IL7: variants seen among roughly 807,000 people sequenced by gnomAD.
IL7 encodes the protein interleukin 7, also known as interleukin-7.
A neutral mutation model predicts 21.6 loss-of-function variants in IL7; 3 were observed. That is an observed-to-expected ratio of 0.14 (90% CI 0.06 to 0.36). The LOEUF (loss-of-function observed/expected upper bound fraction) is 0.36. Ranked by LOEUF, IL7 falls within the 10% of genes least tolerant of loss-of-function variation. IL7 has a pLI of 1.00. For missense variants in IL7, 175 were observed against 200.2 expected, an observed-to-expected ratio of 0.87 and a Z score of 0.76; for synonymous variants, 62 against 68.1, an observed-to-expected ratio of 0.91 and a Z score of 0.44.
downstream of IL7, chr8:78,715,455 C>A: frequency 1.2e-6 from 1 of 836,914 alleles, no homozygotes; most frequent in Non-Finnish European, 1.8e-6. Context: ...TTTAATCTGG[C>A]TTTTAAGTTG....
intron 4 of IL7, among the ~76,000 whole-genome samples, chr8:78,682,666 C>G (rs1005268542): frequency 2.0e-5 from 3 of 152,138 alleles, no homozygotes; most frequent in African/African-American, 7.2e-5. Flanking sequence ...CATTCTGTCC[C>G]TGGCCACTCC....
At chr8:78,751,295 C>T in intron 2 of IL7, among the ~76,000 whole-genome samples, 1 of 152,124 alleles carries the variant, frequency 6.6e-6, no homozygotes, top group East Asian at 1.9e-4. Context: ...ATAAGAATTA[C>T]ATCCAAATTC....
chr8:78,710,722 T>C (rs1224959268), intron 3 of IL7, among the ~76,000 whole-genome samples: 1 of 152,080 alleles, frequency 6.6e-6, no homozygotes, highest in East Asian at 1.9e-4. Context: ...TGGGTTTCTT[T>C]GTACTTTAAC....
chr8:78,791,352 T>C (rs1267246308), intron 2 of IL7, among the ~76,000 whole-genome samples: 2 of 152,092 alleles, frequency 1.3e-5, no homozygotes, highest in African/African-American at 4.8e-5. Flanking sequence ...TACAGAGTTA[T>C]ACTTAGGCCA....
intron 2 of IL7, among the ~76,000 whole-genome samples, chr8:78,749,250 T>C (rs1276985912): frequency 6.6e-6 from 1 of 152,146 alleles, no homozygotes; most frequent in African/African-American, 2.4e-5. Context: ...CACTAAGTTA[T>C]ACTTAGCATT....
intron 1 of IL7, among the ~76,000 whole-genome samples, chr8:78,802,430 CTCTCTTTTTTTTTTTT>C (rs1261281692): frequency 6.7e-6 from 1 of 150,192 alleles, no homozygotes; most frequent in East Asian, 1.9e-4. Flanking sequence ...GTATTTTTCT[CTCTCTTTTTTTTTTTT>C]TTGATATGGA....
intron 2 of IL7, among the ~76,000 whole-genome samples, chr8:78,757,047 C>A (rs1255369767): frequency 1.3e-5 from 2 of 151,768 alleles, no homozygotes; most frequent in Non-Finnish European, 2.9e-5. Flanking sequence ...CCTCTTAGCA[C>A]TACTTTTACT....
chr8:78,712,402 G>A (rs62518986), intron 3 of IL7, among the ~76,000 whole-genome samples: 7,763 of 151,992 alleles, frequency 0.051, 277 homozygotes, highest in Middle Eastern at 0.082. Context: ...TTTTTTAGTA[G>A]TAATTAGGGT....
chr8:78,741,370 T>C (rs1811773031), intron 2 of IL7, among the ~76,000 whole-genome samples: 1 of 152,200 alleles, frequency 6.6e-6, no homozygotes, highest in Non-Finnish European at 1.5e-5. Context: ...CATGTTGACT[T>C]CCCCATACCC....
At chr8:78,703,310 C>A (rs1810666572) in intron 3 of IL7, among the ~76,000 whole-genome samples, 1 of 152,156 alleles carries the variant, frequency 6.6e-6, no homozygotes, top group African/African-American at 2.4e-5. Flanking sequence ...GTGCTGAGTT[C>A]AGGTCCTAAA....
At chr8:78,750,145 C>G (rs1812117655) in intron 2 of IL7, among the ~76,000 whole-genome samples, 1 of 152,050 alleles carries the variant, frequency 6.6e-6, no homozygotes, top group Admixed American at 6.6e-5. Flanking sequence ...TTATCAGAGT[C>G]TGATCTGCCT....
At chr8:78,797,420 G>A (rs180881605) in intron 2 of IL7, among the ~76,000 whole-genome samples, 1 of 152,016 alleles carries the variant, frequency 6.6e-6, no homozygotes. Flanking sequence ...TATCAATGCT[G>A]GCTCATCAAT....
At chr8:78,787,533 A>G (rs1319965030) in intron 2 of IL7, among the ~76,000 whole-genome samples, 2 of 152,260 alleles carry the variant, frequency 1.3e-5, no homozygotes, top group Admixed American at 6.5e-5. Flanking sequence ...CTTCCCTGTT[A>G]TTAACACTGT....
intron 3 of IL7, among the ~76,000 whole-genome samples, chr8:78,708,672 C>CTTTTTTTTTCTTT (rs1563638249): frequency 2.8e-5 from 4 of 142,574 alleles, no homozygotes; most frequent in African/African-American, 2.6e-5. Context: ...AGATGATTAT[C>CTTTTTTTTTCTTT]TTTTTTTTTT....
At chr8:78,724,085 G>A (rs1449112129) in intron 3 of IL7, 1 of 154,616 alleles carries the variant, frequency 6.5e-6, no homozygotes, top group Non-Finnish European at 1.5e-5. Context: ...AGGAAGAAAA[G>A]GGAAGTTCTG....
chr8:78,687,956 C>A (rs548923322), intron 3 of IL7, among the ~76,000 whole-genome samples: 2 of 140,778 alleles, frequency 1.4e-5, no homozygotes, highest in East Asian at 4.0e-4. Flanking sequence ...TAAACTATAT[C>A]TATATTTATA....
chr8:78,722,841 T>C (rs1811265987), intron 3 of IL7, among the ~76,000 whole-genome samples: 1 of 151,834 alleles, frequency 6.6e-6, no homozygotes, highest in Non-Finnish European at 1.5e-5. Flanking sequence ...AATCACATCA[T>C]TTAAGTTTGA....
intron 4 of IL7, among the ~76,000 whole-genome samples, chr8:78,682,111 A>G (rs1219192490): frequency 6.6e-6 from 1 of 152,106 alleles, no homozygotes; most frequent in East Asian, 1.9e-4. Context: ...AAATATAGAC[A>G]TAGTAGGAAT....
intron 2 of IL7, among the ~76,000 whole-genome samples, chr8:78,796,953 G>T (rs1163280122): frequency 6.6e-6 from 1 of 151,956 alleles, no homozygotes; most frequent in Non-Finnish European, 1.5e-5. Context: ...GCACGTATAT[G>T]TTTATAGAAG....
Sources: gnomAD v4.1 joint callset for allele counts (sites outside exome capture counted in the v4.1 genomes callset) on GRCh38, gnomAD v4.1.1 for gene constraint, MANE v1.5 for transcripts, NCBI Gene and HGNC (gene_info 2026-07-23, HGNC 2026-07-21) for gene names.